Variants in TFDP2 observed in about 807,000 individuals in gnomAD.
TFDP2 encodes transcription factor Dp-2 (E2F dimerization partner 2).
TFDP2 carries 17 observed loss-of-function variants against 59.3 expected under a neutral mutation model. The observed-to-expected ratio is 0.29, with a 90% CI of 0.20 to 0.43. TFDP2 has a LOEUF of 0.43. Among genes scored for constraint, TFDP2 ranks in the 20% least tolerant of loss-of-function variants. The pLI, the probability that TFDP2 is intolerant of heterozygous loss-of-function variation, is 1.00. For missense variants in TFDP2, 391 were observed against 528.8 expected, an observed-to-expected ratio of 0.74 and a Z score of 2.56; for synonymous variants, 180 against 194.7, an observed-to-expected ratio of 0.92 and a Z score of 0.63.
Position 142,133,527 on chromosome 3 carries a change from G to GT in TFDP2, c.-93+15655dup, listed in dbSNP as rs2108733932. On this transcript the variant is annotated intron_variant, in intron 1 of 12. Transcript: ENST00000489671. ...GGCCCAAAAGCAGTTTGTTTGTTTG[G>GT]TTTTTTGTTGCCCAGGCTGGAGTAC... Among the ~76,000 whole-genome samples, 2 of 148,736 alleles carry GT rather than the reference G, an allele frequency of 1.3e-5. 1 individual carries two copies. Among genetic ancestry groups the GT allele is most frequent in the African/African-American group, 5.2e-5 (2 of 38,714 alleles).
chr3:142,119,997 C>T (rs1346913309), intron 1 of TFDP2, among the ~76,000 whole-genome samples: 2 of 151,312 alleles, frequency 1.3e-5, no homozygotes, highest in Non-Finnish European at 2.9e-5. Context: ...TTGCAGTGAG[C>T]CGAGATTGCA....
At chr3:142,078,683 C>T (rs1480775002) in intron 3 of TFDP2, among the ~76,000 whole-genome samples, 1 of 152,136 alleles carries the variant, frequency 6.6e-6, no homozygotes, top group East Asian at 1.9e-4. Flanking sequence ...AGCACAGGTA[C>T]AAACAAGCCC....
At chr3:142,128,862 A>G (rs1253474535) in intron 1 of TFDP2, among the ~76,000 whole-genome samples, 1 of 151,956 alleles carries the variant, frequency 6.6e-6, no homozygotes, top group Non-Finnish European at 1.5e-5. Flanking sequence ...GGAATTCCAA[A>G]GGAAAAAGAG....
At chr3:141,975,883 A>G (rs1322993013) in intron 7 of TFDP2, among the ~76,000 whole-genome samples, 2 of 151,960 alleles carry the variant, frequency 1.3e-5, no homozygotes, top group African/African-American at 4.8e-5. Context: ...AAAGTAATAA[A>G]AACAACTATT....
intron 6 of TFDP2, among the ~76,000 whole-genome samples, chr3:141,981,629 A>C (rs140831216): frequency 2.0e-4 from 31 of 152,356 alleles, no homozygotes; most frequent in Non-Finnish European, 4.0e-4. Flanking sequence ...ATAATGTGAA[A>C]TCACTAAAAT....
intron 3 of TFDP2, among the ~76,000 whole-genome samples, chr3:142,072,198 A>C (rs2060271272): frequency 6.6e-6 from 1 of 152,252 alleles, no homozygotes; most frequent in African/African-American, 2.4e-5. Context: ...CGCATAACTT[A>C]CTATGTGCAG....
chr3:141,957,279 C>CTTGG (rs1359033392), intron 11 of TFDP2, among the ~76,000 whole-genome samples: 3 of 152,074 alleles, frequency 2.0e-5, no homozygotes, highest in Non-Finnish European at 4.4e-5. Context: ...ATTACGTCAC[C>CTTGG]GCACTCCAGC....
intron 3 of TFDP2, among the ~76,000 whole-genome samples, chr3:142,022,605 G>C (rs552280892): frequency 3.9e-5 from 6 of 152,272 alleles, no homozygotes; most frequent in Admixed American, 6.5e-5. Context: ...AATGGCTAGA[G>C]TTGATCAAGA....
rs186304966 is a variant in TFDP2, at chr3:142,010,337, G to A, written c.83-4793C>T. Reference sequence around the variant, plus strand: ...TAAAAAACTAACTTTTGGGCCGGGCGCAGTGGCTCACACCTGTAATCCCAG... The same window carrying A: ...TAAAAAACTAACTTTTGGGCCGGGCACAGTGGCTCACACCTGTAATCCCAG... On this transcript the variant is annotated intron_variant, in intron 3 of 12. Coordinates refer to ENST00000489671, the MANE Select transcript of TFDP2 (RefSeq NM_001178139.2). 1.1e-3 allele frequency among the ~76,000 whole-genome samples: 165 copies of A among 152,188 alleles called. 1 individual carries two copies. The highest frequency in any genetic ancestry group is 3.8e-3 in the African/African-American group (156 of 41,548).
intron 9 of TFDP2, among the ~76,000 whole-genome samples, chr3:141,968,403 C>CTCATATATAG (rs1196144198): frequency 1.4e-5 from 1 of 73,652 alleles, no homozygotes; most frequent in Non-Finnish European, 2.9e-5. Context: ...ACATATATAT[C>CTCATATATAG]ATATATATAA....
intron 3 of TFDP2, among the ~76,000 whole-genome samples, chr3:142,029,883 C>T (rs990769583): frequency 3.3e-5 from 5 of 152,154 alleles, no homozygotes; most frequent in Admixed American, 6.5e-5. Context: ...CTCTGTCTTT[C>T]GTGAGCTTAG....
At chr3:142,084,637 C>T (rs1576939767) in intron 3 of TFDP2, among the ~76,000 whole-genome samples, 1 of 151,604 alleles carries the variant, frequency 6.6e-6, no homozygotes, top group African/African-American at 2.4e-5. Context: ...GAGTACTATT[C>T]GGCCATTAAA....
chr3:142,138,791 A>G (rs980182512), intron 1 of TFDP2, among the ~76,000 whole-genome samples: 15 of 152,210 alleles, frequency 9.9e-5, no homozygotes, highest in African/African-American at 3.4e-4. Context: ...ACTTCCAATT[A>G]TGTGGTCAAT....
intron 4 of TFDP2, among the ~76,000 whole-genome samples, chr3:142,002,680 A>C (rs908546921): frequency 6.6e-6 from 1 of 152,042 alleles, no homozygotes; most frequent in Non-Finnish European, 1.5e-5. Context: ...TCATCTCAAG[A>C]GGCTTTTTCC....
At chr3:142,021,644 T>C (rs1459562179) in intron 3 of TFDP2, among the ~76,000 whole-genome samples, 1 of 152,244 alleles carries the variant, frequency 6.6e-6, no homozygotes, top group East Asian at 1.9e-4. Context: ...TTCTTGTATC[T>C]AGAACCATGA....
At chr3:141,980,313 A>T (rs1240424224) in intron 6 of TFDP2, among the ~76,000 whole-genome samples, 1 of 151,978 alleles carries the variant, frequency 6.6e-6, no homozygotes, top group Admixed American at 6.6e-5. Context: ...TAAAGAAAAT[A>T]TTTTTGTACA....
chr3:142,083,003 T>C (rs1438437167), intron 3 of TFDP2, among the ~76,000 whole-genome samples: 6 of 152,184 alleles, frequency 3.9e-5, no homozygotes, highest in Non-Finnish European at 2.9e-5. Context: ...AGTATAGTAC[T>C]GGAAGTCCTA....
At chr3:142,054,923 C>T (rs1405227078) in intron 3 of TFDP2, among the ~76,000 whole-genome samples, 1 of 152,106 alleles carries the variant, frequency 6.6e-6, no homozygotes, top group Non-Finnish European at 1.5e-5. Flanking sequence ...CCTCCAGAGA[C>T]GTGAAGGGCC....
At chr3:142,072,244 C>G (rs558703444) in intron 3 of TFDP2, among the ~76,000 whole-genome samples, 2 of 152,244 alleles carry the variant, frequency 1.3e-5, no homozygotes, top group South Asian at 4.1e-4. Flanking sequence ...TATGAGCAAC[C>G]TACTATTATA....
Sources: gnomAD v4.1 joint callset for allele counts (sites outside exome capture counted in the v4.1 genomes callset) on GRCh38, gnomAD v4.1.1 for gene constraint, MANE v1.5 for transcripts, NCBI Gene and HGNC (gene_info 2026-07-23, HGNC 2026-07-21) for gene names.